Variants in GPR6 observed in about 807,000 individuals in gnomAD.
GPR6 encodes the protein sphingosine 1-phosphate receptor GPR6.
In GPR6, 14 loss-of-function variants were observed where a neutral mutation model predicts 18.5. That is an observed-to-expected ratio of 0.76 (90% CI 0.50 to 1.18). The LOEUF is 1.18. Among genes scored for constraint, GPR6 ranks in the 50% most tolerant of loss-of-function variants. The pLI, the probability that GPR6 is intolerant of heterozygous loss-of-function variation, is 0.00. For missense variants in GPR6, 477 were observed against 495.9 expected (o/e 0.96, Z 0.36); for synonymous variants, 299 against 240.9 (o/e 1.24, Z -2.23).
At position 109,979,167 on chromosome 6, in the gene GPR6, G is replaced by A. The variant is rs1771017321; in HGVS notation, c.55G>A (p.Glu19Lys). 6.3e-7 allele frequency: 1 copy of A among 1,597,012 alleles called. No individual in the cohort carries two copies. The highest frequency in any genetic ancestry group is 8.5e-7 in the Non-Finnish European group (1 of 1,177,244). ...NDSQVVVVAAEGAAAAATAAG... is the reference protein window; with the variant it reads ...NDSQVVVVAAKGAAAAATAAG... ...CTCCCAGGTGGTGGTAGTGGCGGCCGAAGGAGCGGCGGCGGCGGCCACAGC... is the reference window on the plus strand; with the variant it reads ...CTCCCAGGTGGTGGTAGTGGCGGCCAAAGGAGCGGCGGCGGCGGCCACAGC... The change falls in exon 2 of 2, where the codon GAA (glutamate) becomes AAA (lysine). Residue 19 changes from glutamate (E) to lysine (K), a missense_variant. Glu to Lys is a moderately conservative substitution (Grantham distance 56, BLOSUM62 1). Coordinates refer to ENST00000275169, the MANE Select transcript of GPR6 (RefSeq NM_005284.5).
intron 1 of GPR6, chr6:109,978,671 A>C (rs1770998622): frequency 2.8e-6 from 4 of 1,439,952 alleles, no homozygotes; most frequent in African/African-American, 1.4e-5. Context: ...CAGGCTTCGC[A>C]ATGCCAGAAA....
Position 109,979,224 on chromosome 6 carries a change from C to A in GPR6, c.112C>A (p.Pro38Thr), listed in dbSNP as rs774298053. Residue 38 changes from proline (P) to threonine (T), a missense_variant, in exon 2 of 2, where the codon CCC (proline) becomes ACC (threonine). Physicochemically the swap from Pro to Thr is conservative, Grantham distance 38 (BLOSUM62 -1). Transcript: ENST00000275169. ...GGGGCCGGACACGGGCGAATGGGGA[C>A]CCCCTGCTGCGGCGGCTCTAGGAGC... The part of the protein sequence containing the change: ...AGGPDTGEWG[P>T]PAAAALGAGG... The A allele has an allele frequency of 3.1e-6, 5 of 1,603,478 alleles. No individual in the cohort carries two copies. The East Asian group carries it at 8.9e-5, about 29-fold the overall frequency.
At chr6:109,978,913 C>G in intron 1 of GPR6, 182 bp from the exon 2 acceptor site, 1 of 1,515,738 alleles carries the variant, frequency 6.6e-7, no homozygotes, top group Non-Finnish European at 8.9e-7. Context: ...GCATTTCACT[C>G]ACTCACTCAA....
chr6:109,980,649 A>G lies in GPR6; in HGVS notation c.*448A>G, dbSNP rs1771068657. The G allele has an allele frequency of 5.2e-6, 1 of 190,854 alleles. No homozygotes were observed. The highest frequency in any genetic ancestry group is 6.0e-5 in the Admixed American group (1 of 16,742). The allele number at this position is 190,854 out of a possible 1,614,324, so 11.8% of individuals were successfully genotyped here. A position where few individuals can be genotyped will look rare whatever the true frequency, so the allele number is the denominator to read the frequency against. The stretch of plus-strand genomic sequence containing the variant: ...GTGTATTTTTGTCGTATGTGATAGA[A>G]TATTTTGCTGCACATGCATCAACAA... On this transcript the variant is annotated 3_prime_UTR_variant, in exon 2 of 2. Coordinates refer to ENST00000275169, the MANE Select transcript of GPR6 (RefSeq NM_005284.5).
rs1771025257 is a variant in GPR6 at position 109,979,340 on chromosome 6, C to T, written c.228C>T (p.Asp76=). 1.9e-6 allele frequency: 3 copies of T among 1,613,596 alleles called. No homozygotes were observed. The highest frequency in any genetic ancestry group is 2.7e-5 in the African/African-American group (2 of 74,926). ...TGCTGCCAGCGGTGAATCCGTGGGA[C>T]GTGCTCCTGTGCGTGTCGGGGACAG... ...GLLLPAVNPW[D]VLLCVSGTVI... The change falls in exon 2 of 2, where the codon GAC becomes GAT. Residue 76 remains aspartate, a synonymous_variant. Coordinates refer to ENST00000275169, the MANE Select transcript of GPR6 (RefSeq NM_005284.5).
chr6:109,978,823 A>T (rs964028838), intron 1 of GPR6: 3 of 1,535,666 alleles, frequency 2.0e-6, no homozygotes, highest in Non-Finnish European at 2.6e-6. Flanking sequence ...AAATACAGGC[A>T]GCCTTGGAGA....
chr6:109,979,040 A>T (rs769243850), intron 1 of GPR6, 55 bp from the exon 2 acceptor site: 67 of 1,536,294 alleles, frequency 4.4e-5, no homozygotes, highest in South Asian at 4.1e-4. Flanking sequence ...CGCGTGGGGA[A>T]GTTTCCTGGC....
In GPR6 at chr6:109,979,762, G is replaced by T; in HGVS notation, c.650G>T (p.Ser217Ile). 6.3e-7 allele frequency: 1 copy of T among 1,599,494 alleles called. No homozygotes were observed. The change falls in exon 2 of 2, where the codon AGC (serine) becomes ATC (isoleucine). Residue 217 changes from serine to isoleucine, a missense_variant. By Grantham distance (142) the Ser-to-Ile change is moderately radical. Transcript: ENST00000275169. The part of the protein sequence containing the change: ...WNCLAERAAC[S>I]VVRPLARSHV... ...TGCCTGGCAGAGCGCGCCGCCTGCA[G>T]CGTGGTGCGCCCGCTGGCGCGCAGC...
intron 1 of GPR6, 191 bp downstream of exon 1, chr6:109,978,658 C>T: frequency 7.5e-7 from 1 of 1,341,746 alleles, no homozygotes. Flanking sequence ...CTCCAGGACT[C>T]TCCAGGCTTC....
intron 1 of GPR6, 72 bp downstream of exon 1, chr6:109,978,539 G>A: frequency 1.8e-6 from 1 of 552,096 alleles, no homozygotes; most frequent in South Asian, 2.6e-5. Flanking sequence ...CAGGGGACAG[G>A]TCTTTCCAGA....
Position 109,979,804 on chromosome 6 carries a change from C to G in GPR6, c.692C>G (p.Ser231Cys), listed in dbSNP as rs760300570. 4 of 1,601,440 alleles carry G rather than the reference C, an allele frequency of 2.5e-6. No homozygotes were observed. In the South Asian group the frequency reaches 4.4e-5, roughly 18 times the overall value. The part of the protein sequence containing the change: ...PLARSHVALL[S>C]AAFFMVFGIM... ...GCGCGCAGCCACGTGGCTCTGCTCT[C>G]CGCCGCCTTCTTCATGGTCTTCGGC... The change falls in exon 2 of 2, where the codon TCC (serine) becomes TGC (cysteine). Residue 231 changes from serine (S) to cysteine (C), a missense_variant. By Grantham distance (112) the Ser-to-Cys change is moderately radical. Coordinates refer to ENST00000275169, the MANE Select transcript of GPR6 (RefSeq NM_005284.5).
rs2114349535 is a variant in GPR6, at chr6:109,980,347, C to T, written c.*146C>T. ...AGGGACTAAAGAGAAATGTAACAAA[C>T]TTACAAGGACAAAGAGGCTTGTTGG... On this transcript the variant is annotated 3_prime_UTR_variant, in exon 2 of 2. Coordinates refer to ENST00000275169, the MANE Select transcript of GPR6 (RefSeq NM_005284.5). 8.7e-7 allele frequency: 1 copy of T among 1,149,596 alleles called. No individual in the cohort carries two copies. The highest frequency in any genetic ancestry group is 1.2e-6 in the Non-Finnish European group (1 of 800,118). The allele number at this position is 1,149,596 out of a possible 1,614,324, so 71.2% of individuals were successfully genotyped here.
chr6:109,980,377 TTACATA>T lies in GPR6; in HGVS notation c.*181_*186del. The T allele has an allele frequency of 1.3e-6, 1 of 795,616 alleles. No homozygotes were observed. Among genetic ancestry groups the T allele is most frequent in the Admixed American group, 2.8e-5 (1 of 35,106 alleles). The allele number at this position is 795,616 out of a possible 1,614,324, so 49.3% of individuals were successfully genotyped here. On this transcript the variant is annotated 3_prime_UTR_variant, in exon 2 of 2. Coordinates refer to ENST00000275169, the MANE Select transcript of GPR6 (RefSeq NM_005284.5). ...AAGGACAAAGAGGCTTGTTGGCACTTTACATATACAGTGTATACATGTGTACATATA... is the reference window on the plus strand; with the variant it reads ...AAGGACAAAGAGGCTTGTTGGCACTTTACAGTGTATACATGTGTACATATA...
chr6:109,980,338 T>A lies in GPR6; in HGVS notation c.*137T>A. On this transcript the variant is annotated 3_prime_UTR_variant, in exon 2 of 2. Transcript: ENST00000275169. ...GAAAGAAAAAGGGACTAAAGAGAAA[T>A]GTAACAAACTTACAAGGACAAAGAG... 1 of 1,248,472 alleles carries A rather than the reference T, an allele frequency of 8.0e-7. No individual in the cohort carries two copies. Among genetic ancestry groups the A allele is most frequent in the Non-Finnish European group, 1.1e-6 (1 of 883,026 alleles). The allele number at this position is 1,248,472 out of a possible 1,614,324, so 77.3% of individuals were successfully genotyped here.
chr6:109,978,765 ACT>A (rs1229097013), intron 1 of GPR6: 1 of 1,535,336 alleles, frequency 6.5e-7, no homozygotes, highest in Non-Finnish European at 8.7e-7. Context: ...CCCAGGCGGG[ACT>A]CTCCCAGGAT....
In GPR6 at chr6:109,978,354, C is replaced by G. The variant is rs1197575135; in HGVS notation, c.-132C>G. On this transcript the variant is annotated 5_prime_UTR_variant, in exon 1 of 2. Coordinates refer to ENST00000275169, the MANE Select transcript of GPR6 (RefSeq NM_005284.5). ...GCGACAGGCGCCCCGCGCTTGCCTC[C>G]TCCCCGGCCCGGCCGCCTCCTGCAG... The G allele has an allele frequency of 1.1e-5, 2 of 177,046 alleles. No homozygotes were observed. The allele number at this position is 177,046 out of a possible 1,614,324, so 11.0% of individuals were successfully genotyped here.
intron 1 of GPR6, 54 bp from the exon 2 acceptor site, chr6:109,979,041 G>A: frequency 6.5e-7 from 1 of 1,536,504 alleles, no homozygotes; most frequent in Non-Finnish European, 8.7e-7. Context: ...GCGTGGGGAA[G>A]TTTCCTGGCA....
At chr6:109,978,908 TCA>T (rs1771005047) in intron 1 of GPR6, 185 bp from the exon 2 acceptor site, 2 of 1,510,916 alleles carry the variant, frequency 1.3e-6, no homozygotes, top group Admixed American at 3.9e-5. Flanking sequence ...CGTGGGCATT[TCA>T]CTCACTCACT....
chr6:109,978,426 G>T lies in GPR6; in HGVS notation c.-60G>T. 1 of 270,568 alleles carries T rather than the reference G, an allele frequency of 3.7e-6. No homozygotes were observed. The allele number at this position is 270,568 out of a possible 1,614,324, so 16.8% of individuals were successfully genotyped here. On this transcript the variant is annotated 5_prime_UTR_variant, in exon 1 of 2. Coordinates refer to ENST00000275169, the MANE Select transcript of GPR6 (RefSeq NM_005284.5). ...GGAGCTCAGCCCGGCGCCCCGCCTC[G>T]GCGCCCATGACCAGCGACTTCCAGA...
Sources: gnomAD v4.1 joint callset for allele counts on GRCh38, gnomAD v4.1.1 for gene constraint, MANE v1.5 for transcripts, NCBI Gene and HGNC (gene_info 2026-07-23, HGNC 2026-07-21) for gene names.